Variants in PCDHGA3 observed in about 807,000 individuals in gnomAD.
PCDHGA3 encodes the protein protocadherin gamma-A3.
PCDHGA3 carries 40 observed loss-of-function variants against 58.5 expected under a neutral mutation model. The observed-to-expected ratio is 0.68, with a 90% confidence interval of 0.53 to 0.89. The LOEUF is 0.89. Among genes scored for constraint, PCDHGA3 ranks in the 40% least tolerant of loss-of-function variants. The pLI is 0.00. For synonymous variants in PCDHGA3, 530 were observed against 525.7 expected, an observed-to-expected ratio of 1.01 and a Z score of -0.11; for missense variants, 1,223 against 1,195.9, an observed-to-expected ratio of 1.02 and a Z score of -0.33.
In PCDHGA3 at chr5:141,400,210, A is replaced by C. The variant is rs201102949; in HGVS notation, c.2424+53753A>C. 1.2e-3 allele frequency: 1,976 copies of C among 1,613,732 alleles called. 4 individuals are homozygous for C. The highest frequency in any genetic ancestry group is 1.6e-3 in the Non-Finnish European group (1,832 of 1,179,862). ...TTACCTAGTGGTGGCCTTGGCCTTG[A>C]TCTCAGTGCTCTTCCTCCTGGCCGT... On this transcript the variant is annotated intron_variant, in intron 1 of 3. Coordinates refer to ENST00000253812, the MANE Select transcript of PCDHGA3 (RefSeq NM_018916.4).
chr5:141,359,937 C>T, intron 1 of PCDHGA3: 1 of 475,954 alleles, frequency 2.1e-6, no homozygotes, highest in Non-Finnish European at 3.5e-6. Context: ...CTCTGAGCGT[C>T]GCTGTTGGTC....
chr5:141,369,203 TG>T (rs1766087260), intron 1 of PCDHGA3, among the ~76,000 whole-genome samples: 1 of 152,170 alleles, frequency 6.6e-6, no homozygotes, highest in Non-Finnish European at 1.5e-5. Context: ...GATGGTAAAC[TG>T]GGGACCAAGG....
intron 1 of PCDHGA3, chr5:141,404,905 GC>G (rs762314174): frequency 6.2e-6 from 10 of 1,613,910 alleles, no homozygotes; most frequent in Middle Eastern, 1.7e-4. Context: ...ACCATGGCCA[GC>G]CCCCTCTCTC....
intron 1 of PCDHGA3, chr5:141,389,614 C>G: frequency 6.2e-7 from 1 of 1,613,062 alleles, no homozygotes; most frequent in South Asian, 1.1e-5. Flanking sequence ...GATATGGTGC[C>G]GCACGCTGCA....
chr5:141,389,977 CAG>C (rs1303197054), intron 1 of PCDHGA3: 1 of 1,613,936 alleles, frequency 6.2e-7, no homozygotes, highest in Non-Finnish European at 8.5e-7. Flanking sequence ...GCCTTGATCT[CAG>C]TGCTCTTCCT....
rs1197249074 is a variant in PCDHGA3 at position 141,438,579 on chromosome 5, CATACATACATACATATATAT to C, written c.2425-56224_2425-56205del. ...AAGAGGCAGCTGTCTGATATACATACATACATACATACATATATATATATATATATATATATATATATATA... is the reference window on the plus strand; with the variant it reads ...AAGAGGCAGCTGTCTGATATACATACATATATATATATATATATATATATA... On this transcript the variant is annotated intron_variant, in intron 1 of 3. Transcript: ENST00000253812. Among the ~76,000 whole-genome samples the C allele has an allele frequency of 5.3e-3, 298 of 55,734 alleles. 1 individual carries two copies. Among genetic ancestry groups the C allele is most frequent in the Admixed American group, 0.022 (77 of 3,542 alleles). The allele number at this position is 55,734 out of a possible 152,430, so 36.6% of individuals were successfully genotyped here.
chr5:141,385,105 C>T lies in PCDHGA3; in HGVS notation c.2424+38648C>T. ...TTCAGAAGGTGGCTTGGCGAACGTG[C>T]CCACCTCGCACTTTGTGGGCATGGA... On this transcript the variant is annotated intron_variant, in intron 1 of 3. Transcript: ENST00000253812. 3 of 1,614,176 alleles carry T rather than the reference C, an allele frequency of 1.9e-6. No homozygotes were observed. Among genetic ancestry groups the T allele is most frequent in the Non-Finnish European group, 2.5e-6 (3 of 1,180,044 alleles).
rs3074541 is a variant in PCDHGA3 at position 141,433,358 on chromosome 5, CCTATCTATCTATCTATCTATCTAT to C, written c.2425-61424_2425-61401del. 6 of 503,934 alleles carry C rather than the reference CCTATCTATCTATCTATCTATCTAT, an allele frequency of 1.2e-5. No homozygotes were observed. In the Admixed American group the frequency reaches 1.5e-4, roughly 12 times the overall value. The allele number at this position is 503,934 out of a possible 1,614,324, so 31.2% of individuals were successfully genotyped here. ...ACAGGTGCAAGCCACCTACTGTCTG[CCTATCTATCTATCTATCTATCTAT>C]CTATCTATCTATCTATCTATCTATT... On this transcript the variant is annotated intron_variant, in intron 1 of 3. Transcript: ENST00000253812.
chr5:141,384,957 C>T (rs1561605479), intron 1 of PCDHGA3: 2 of 1,613,966 alleles, frequency 1.2e-6, no homozygotes, highest in African/African-American at 2.7e-5. Flanking sequence ...GTCCTTACAA[C>T]TATGACCTCA....
intron 1 of PCDHGA3, chr5:141,352,212 C>G: frequency 1.9e-6 from 3 of 1,614,058 alleles, no homozygotes; most frequent in Non-Finnish European, 2.5e-6. Context: ...CCGCCACTCT[C>G]CGCCACCGCC....
chr5:141,414,420 C>G, intron 1 of PCDHGA3: 1 of 1,613,822 alleles, frequency 6.2e-7, no homozygotes, highest in Non-Finnish European at 8.5e-7. Flanking sequence ...GAGCCCTTGA[C>G]AGGGAACAGG....
At chr5:141,400,089 C>T (rs200160561) in intron 1 of PCDHGA3, 568 of 1,613,960 alleles carry the variant, frequency 3.5e-4, no homozygotes, top group Non-Finnish European at 4.6e-4. Flanking sequence ...CCGCCACCGC[C>T]ACGCTGCACT....
chr5:141,477,175 A>T lies in PCDHGA3; in HGVS notation c.2425-17632A>T, dbSNP rs1338347224. On this transcript the variant is annotated intron_variant, in intron 1 of 3. Transcript: ENST00000253812. This position sits in a 1 kb window ranked among gnomAD's most constrained non-coding sequence, Gnocchi z 4.9. ...TGAATGACAACGCCCCGGAGATCAC[A>T]GTCACCTCCGTGTACAGCCCAGTAC... is the stretch of plus-strand genomic sequence containing the variant. The T allele has an allele frequency of 1.2e-6, 2 of 1,614,186 alleles. No individual in the cohort carries two copies. The highest frequency in any genetic ancestry group is 3.3e-5 in the Admixed American group (2 of 60,028).
chr5:141,361,717 T>G, intron 1 of PCDHGA3: 1 of 1,613,366 alleles, frequency 6.2e-7, no homozygotes, highest in Admixed American at 1.7e-5. Context: ...GCTGCGCGCC[T>G]TCGAGCTCAC....
Position 141,485,738 on chromosome 5 carries a change from A to G in PCDHGA3, c.2425-9069A>G, listed in dbSNP as rs1443978038. Reference sequence around the variant, plus strand: ...GGATGTGAAGAAGCGCAGCGACGGCAGCCTGGTCCCAGAGCTGCTCCTGGA... The same window carrying G: ...GGATGTGAAGAAGCGCAGCGACGGCGGCCTGGTCCCAGAGCTGCTCCTGGA... On this transcript the variant is annotated intron_variant, in intron 1 of 3. Transcript: ENST00000253812. This position sits in a 1 kb window ranked among gnomAD's most constrained non-coding sequence, Gnocchi z 5.7. 1 of 1,614,230 alleles carries G rather than the reference A, an allele frequency of 6.2e-7. No individual in the cohort carries two copies.
At chr5:141,450,836 T>A (rs991599340) in intron 1 of PCDHGA3, among the ~76,000 whole-genome samples, 2 of 149,760 alleles carry the variant, frequency 1.3e-5, no homozygotes, top group African/African-American at 4.9e-5. Flanking sequence ...ATTATTTTTT[T>A]TTTTTTGAGA....
chr5:141,437,074 A>G (rs1455066447), intron 1 of PCDHGA3, among the ~76,000 whole-genome samples: 1 of 152,250 alleles, frequency 6.6e-6, no homozygotes, highest in Non-Finnish European at 1.5e-5. Flanking sequence ...GGTTTGGGCC[A>G]TATAAGAATT....
Position 141,431,668 on chromosome 5 carries a change from A to C in PCDHGA3, c.2425-63139A>C. ...ATTGTAATTCAGGGACAATATCAAC[A>C]ATAGGGGAGTTGGACCACGAGGAGT... is the stretch of plus-strand genomic sequence containing the variant. On this transcript the variant is annotated intron_variant, in intron 1 of 3. Coordinates refer to ENST00000253812, the MANE Select transcript of PCDHGA3 (RefSeq NM_018916.4). This position sits in a 1 kb window ranked among gnomAD's most constrained non-coding sequence, Gnocchi z 4.8. The C allele has an allele frequency of 6.2e-7, 1 of 1,614,208 alleles. No individual in the cohort carries two copies. Among genetic ancestry groups the C allele is most frequent in the Non-Finnish European group, 8.5e-7 (1 of 1,180,036 alleles).
intron 1 of PCDHGA3, 106 bp downstream of exon 1, chr5:141,346,563 T>A: frequency 6.8e-7 from 1 of 1,461,888 alleles, no homozygotes; most frequent in Non-Finnish European, 9.2e-7. Flanking sequence ...AGGTTGTCAT[T>A]AGTCCTTTGA....
Sources: gnomAD v4.1 joint callset for allele counts (sites outside exome capture counted in the v4.1 genomes callset) on GRCh38, gnomAD v4.1.1 for gene constraint, Gnocchi (gnomAD v3.1) non-coding constraint, MANE v1.5 for transcripts, NCBI Gene and HGNC (gene_info 2026-07-23, HGNC 2026-07-21) for gene names.